Variants in ROBO2 observed in about 807,000 individuals in gnomAD.
ROBO2 encodes roundabout guidance receptor 2, also known as roundabout homolog 2.
Under a neutral mutation model 160.8 loss-of-function variants are expected in ROBO2, and 53 were observed. The ratio of observed to expected loss-of-function variants is 0.33; its 90% CI spans 0.26 to 0.41. ROBO2 has a LOEUF of 0.41. Ranked by LOEUF, ROBO2 falls within the 10% of genes least tolerant of loss-of-function variation. The pLI, the probability that ROBO2 is intolerant of heterozygous loss-of-function variation, is 1.00. For missense variants in ROBO2, 1,577 were observed against 1,722.4 expected, an observed-to-expected ratio of 0.92 and a Z score of 1.49; for synonymous variants, 664 against 611.7, an observed-to-expected ratio of 1.09 and a Z score of -1.26.
chr3:77,368,611 T>C (rs965520868), intron 2 of ROBO2, among the ~76,000 whole-genome samples: 4 of 152,248 alleles, frequency 2.6e-5, no homozygotes, highest in Non-Finnish European at 5.9e-5. Context: ...AAAATATTAG[T>C]TAATATGCCC....
chr3:76,106,748 T>C (rs530201886), intron 2 of ROBO2, among the ~76,000 whole-genome samples: 2 of 152,222 alleles, frequency 1.3e-5, no homozygotes, highest in African/African-American at 4.8e-5. Flanking sequence ...AGGACAATAA[T>C]ACAGTTATTA....
intron 2 of ROBO2, among the ~76,000 whole-genome samples, chr3:77,418,360 C>T (rs1235141650): frequency 2.0e-5 from 3 of 152,186 alleles, no homozygotes; most frequent in Non-Finnish European, 2.9e-5. Flanking sequence ...TTTTCCAAAT[C>T]GTGTACATTT....
chr3:75,945,109 C>G (rs1421899203), intron 2 of ROBO2, among the ~76,000 whole-genome samples: 1 of 152,090 alleles, frequency 6.6e-6, no homozygotes, highest in Non-Finnish European at 1.5e-5. Flanking sequence ...GAAGTGTTTA[C>G]TTTGGGTCAA....
At chr3:77,316,547 T>TTTTTTGG (rs1308473518) in intron 2 of ROBO2, among the ~76,000 whole-genome samples, 1 of 152,154 alleles carries the variant, frequency 6.6e-6, no homozygotes, top group Non-Finnish European at 1.5e-5. Context: ...CCCCCAAGTC[T>TTTTTTGG]ACTACTGAAA....
chr3:76,181,657 GA>G (rs1369952204), intron 2 of ROBO2, among the ~76,000 whole-genome samples: 3 of 152,040 alleles, frequency 2.0e-5, no homozygotes, highest in Non-Finnish European at 2.9e-5. Flanking sequence ...GCACTATTTA[GA>G]AAAGGTTAAA....
chr3:76,735,639 G>A (rs1434284437), intron 2 of ROBO2, among the ~76,000 whole-genome samples: 1 of 151,780 alleles, frequency 6.6e-6, no homozygotes, highest in African/African-American at 2.4e-5. Flanking sequence ...GTGCACACCT[G>A]TAGTACCAGC....
intron 2 of ROBO2, among the ~76,000 whole-genome samples, chr3:76,373,882 G>T (rs905493813): frequency 4.6e-5 from 7 of 151,840 alleles, no homozygotes; most frequent in Non-Finnish European, 1.0e-4. Context: ...CTTGGTCATG[G>T]GCCATGATAT....
chr3:76,501,372 A>G (rs2080454600), intron 2 of ROBO2, among the ~76,000 whole-genome samples: 1 of 152,154 alleles, frequency 6.6e-6, no homozygotes, highest in Non-Finnish European at 1.5e-5. Context: ...TATTATCCCA[A>G]TCCTCTACTG....
chr3:76,229,777 A>G (rs945274781), intron 2 of ROBO2, among the ~76,000 whole-genome samples: 3 of 152,288 alleles, frequency 2.0e-5, no homozygotes, highest in African/African-American at 7.2e-5. Flanking sequence ...TAAATAGAAG[A>G]TCTATTTATA....
chr3:75,928,861 CGTGTGTGTGTGTGTGTGTGT>C (rs60525375), intron 1 of ROBO2, among the ~76,000 whole-genome samples: 3 of 109,102 alleles, frequency 2.7e-5, no homozygotes, highest in African/African-American at 7.6e-5. Context: ...CTGGATAAGA[CGTGTGTGTGTGTGTGTGTGT>C]GTGTGTGTGT....
chr3:76,212,761 C>T (rs1703227364), intron 2 of ROBO2, among the ~76,000 whole-genome samples: 1 of 151,940 alleles, frequency 6.6e-6, no homozygotes, highest in Non-Finnish European at 1.5e-5. Context: ...TAGTTCTCCC[C>T]ATTAGGCTGA....
At chr3:77,623,097 T>G (rs769888641) in intron 23 of ROBO2, among the ~76,000 whole-genome samples, 2 of 152,226 alleles carry the variant, frequency 1.3e-5, no homozygotes, top group Non-Finnish European at 2.9e-5. Flanking sequence ...GTATAACCTA[T>G]TTTCAGGGAT....
chr3:76,991,241 G>T (rs540505364), intron 2 of ROBO2, among the ~76,000 whole-genome samples: 1 of 152,074 alleles, frequency 6.6e-6, no homozygotes, highest in Non-Finnish European at 1.5e-5. Flanking sequence ...TTATGGATTC[G>T]CCACTGGTAA....
chr3:76,991,288 G>A (rs2149371101), intron 2 of ROBO2, among the ~76,000 whole-genome samples: 1 of 152,270 alleles, frequency 6.6e-6, no homozygotes, highest in Admixed American at 6.5e-5. Context: ...GGTGATGATG[G>A]CTAAAGAGTT....
intron 1 of ROBO2, among the ~76,000 whole-genome samples, chr3:77,060,192 G>C (rs1430717939): frequency 6.6e-6 from 1 of 152,168 alleles, no homozygotes; most frequent in Admixed American, 6.5e-5. Context: ...CATTGGGTGT[G>C]TTGGTGAACT....
intron 1 of ROBO2, among the ~76,000 whole-genome samples, chr3:75,910,072 A>G (rs1328606386): frequency 6.6e-6 from 1 of 152,184 alleles, no homozygotes; most frequent in African/African-American, 2.4e-5. Context: ...GGGCAAGAGG[A>G]CTTGGAAGTT....
intron 2 of ROBO2, among the ~76,000 whole-genome samples, chr3:76,199,807 GACTGCCT>G (rs1402566440): frequency 6.6e-6 from 1 of 152,078 alleles, no homozygotes. Context: ...CTTCGACTTT[GACTGCCT>G]ACAGCTTCTC....
chr3:77,495,502 G>A (rs140446793), intron 5 of ROBO2, among the ~76,000 whole-genome samples: 2,691 of 152,138 alleles, frequency 0.018, 75 homozygotes, highest in African/African-American at 0.059. Context: ...GTAATTATTG[G>A]GTTGGGTATC....
chr3:77,244,242 C>T (rs932931918), intron 2 of ROBO2, among the ~76,000 whole-genome samples: 1 of 152,062 alleles, frequency 6.6e-6, no homozygotes, highest in Non-Finnish European at 1.5e-5. Flanking sequence ...GGGAAATTAA[C>T]ATATAGGCTT....
Sources: gnomAD v4.1 joint callset for allele counts (sites outside exome capture counted in the v4.1 genomes callset) on GRCh38, gnomAD v4.1.1 for gene constraint, MANE v1.5 for transcripts, NCBI Gene and HGNC (gene_info 2026-07-23, HGNC 2026-07-21) for gene names.